CALD1: variants seen among roughly 807,000 people sequenced by gnomAD.
CALD1 encodes caldesmon.
CALD1 carries 33 observed loss-of-function variants against 99.9 expected under a neutral mutation model. The observed-to-expected ratio is 0.33, with a 90% CI of 0.25 to 0.44. The LOEUF (loss-of-function observed/expected upper bound fraction) is 0.44, where lower values mean the gene tolerates loss of function less well. Ranked by LOEUF, CALD1 falls within the 20% of genes least tolerant of loss-of-function variation. The pLI, the probability that CALD1 is intolerant of heterozygous loss-of-function variation, is 1.00. For synonymous variants in CALD1, 310 were observed against 325.0 expected, an observed-to-expected ratio of 0.95 and a Z score of 0.50; for missense variants, 861 against 962.1, an observed-to-expected ratio of 0.89 and a Z score of 1.39.
chr7:134,954,147 T>TA (rs1173815013), intron 9 of CALD1, among the ~76,000 whole-genome samples: 1 of 152,336 alleles, frequency 6.6e-6, no homozygotes, highest in South Asian at 2.1e-4. Flanking sequence ...ACTGTATTTT[T>TA]AAAAAATATC....
chr7:134,875,394 G>T (rs1343415471), intron 3 of CALD1, among the ~76,000 whole-genome samples: 1 of 152,204 alleles, frequency 6.6e-6, no homozygotes, highest in Non-Finnish European at 1.5e-5. Flanking sequence ...CCAACACTTT[G>T]CGAGGCTGAG....
At chr7:134,948,730 T>C in intron 8 of CALD1, among the ~76,000 whole-genome samples, 1 of 152,174 alleles carries the variant, frequency 6.6e-6, no homozygotes, top group East Asian at 1.9e-4. Flanking sequence ...TGCAAAATTT[T>C]CCTGAACTGT....
At chr7:134,782,609 C>G (rs751264136) in intron 1 of CALD1, among the ~76,000 whole-genome samples, 1 of 152,204 alleles carries the variant, frequency 6.6e-6, no homozygotes, top group Non-Finnish European at 1.5e-5. Context: ...TTGACTTCAT[C>G]TGTTGAGTGA....
At chr7:134,739,208 C>A in the CALD1 span, among the ~76,000 whole-genome samples, 1 of 152,140 alleles carries the variant, frequency 6.6e-6, no homozygotes, top group Non-Finnish European at 1.5e-5. Flanking sequence ...TCAGCCCACA[C>A]AATGTGACAC....
chr7:134,961,482 A>T (rs1019431073), intron 13 of CALD1: 4 of 152,212 alleles, frequency 2.6e-5, no homozygotes, highest in African/African-American at 2.4e-5. Context: ...ATTTAATTGC[A>T]TCCATTGGCT....
intron 3 of CALD1, among the ~76,000 whole-genome samples, chr7:134,895,141 T>A (rs1441448461): frequency 3.4e-5 from 5 of 145,238 alleles, no homozygotes; most frequent in Admixed American, 6.8e-5. Flanking sequence ...AAATAAATAA[T>A]TGGCACAATT....
intron 9 of CALD1, among the ~76,000 whole-genome samples, chr7:134,950,896 T>A (rs1245958681): frequency 6.6e-6 from 1 of 152,126 alleles, no homozygotes; most frequent in Admixed American, 6.5e-5. Context: ...GAGGCAGAGG[T>A]TGCAGTGAGC....
intron 1 of CALD1, among the ~76,000 whole-genome samples, chr7:134,821,816 C>T (rs1000012759): frequency 2.0e-5 from 3 of 152,112 alleles, no homozygotes; most frequent in African/African-American, 7.2e-5. Flanking sequence ...TTCCTGAACT[C>T]GTGATCTGCC....
intron 1 of CALD1, among the ~76,000 whole-genome samples, chr7:134,800,500 A>G (rs575539104): frequency 1.1e-4 from 17 of 152,204 alleles, no homozygotes; most frequent in Middle Eastern, 3.4e-3. Flanking sequence ...TATGATTTTT[A>G]CATCTTAAAG....
intron 4 of CALD1, 38 bp downstream of exon 4, chr7:134,928,938 G>A (rs376268360): frequency 6.5e-6 from 10 of 1,539,106 alleles, no homozygotes; most frequent in East Asian, 2.4e-5. Flanking sequence ...TCTAACTTGC[G>A]TCTTAGCCTG....
intron 3 of CALD1, among the ~76,000 whole-genome samples, chr7:134,904,796 C>T (rs1024624197): frequency 6.6e-6 from 1 of 152,000 alleles, no homozygotes; most frequent in Non-Finnish European, 1.5e-5. Context: ...GGTATTAAAC[C>T]AGCCCCAAAG....
rs558205558 is a variant in CALD1 at position 134,827,836 on chromosome 7, G to C, written c.-129-16048G>C. Among the ~76,000 whole-genome samples the C allele has an allele frequency of 3.6e-3, 543 of 152,264 alleles. 1 individual carries two copies. Among genetic ancestry groups the C allele is most frequent in the Non-Finnish European group, 5.2e-3 (352 of 68,012 alleles). Reference sequence around the variant, plus strand: ...GCTACCGGATTTAACACAAACTCAGGACCGTCTACAGAATCTGAATTGGAT... The same window carrying C: ...GCTACCGGATTTAACACAAACTCAGCACCGTCTACAGAATCTGAATTGGAT... On this transcript the variant is annotated intron_variant, in intron 1 of 14. Transcript: ENST00000361675.
intron 1 of CALD1, among the ~76,000 whole-genome samples, chr7:134,766,299 C>G (rs1796826518): frequency 6.6e-6 from 1 of 151,654 alleles, no homozygotes; most frequent in African/African-American, 2.4e-5. Context: ...CTACAGGCCA[C>G]CACACCCGGC....
chr7:134,968,383 C>T lies in CALD1; in HGVS notation c.*38C>T, dbSNP rs374505727. The T allele has an allele frequency of 4.2e-5, 68 of 1,602,640 alleles. No homozygotes were observed. Among genetic ancestry groups the T allele is most frequent in the Middle Eastern group, 1.7e-4 (1 of 6,040 alleles). On this transcript the variant is annotated 3_prime_UTR_variant, in exon 15 of 15. Transcript: ENST00000361675. ...AAGAACCCAAGCTCAAGACGCAGGA[C>T]GAGCTCAGTTGTAGAGGGCTAATTC... is the stretch of plus-strand genomic sequence containing the variant.
intron 3 of CALD1, among the ~76,000 whole-genome samples, chr7:134,923,429 G>C (rs1586317409): frequency 6.6e-6 from 1 of 152,168 alleles, no homozygotes; most frequent in East Asian, 1.9e-4. Flanking sequence ...AGATGATTCA[G>C]ATAAACTTCA....
chr7:134,744,068 A>T (rs1796613615), upstream of CALD1, among the ~76,000 whole-genome samples: 1 of 152,250 alleles, frequency 6.6e-6, no homozygotes, highest in South Asian at 2.1e-4. Context: ...TGCAGCAGCC[A>T]TGGTCGAGGG....
intron 3 of CALD1, among the ~76,000 whole-genome samples, chr7:134,884,636 A>AT (rs1444768086): frequency 8.3e-6 from 1 of 120,054 alleles, no homozygotes; most frequent in Non-Finnish European, 1.6e-5. Flanking sequence ...GAATACTCCA[A>AT]AAAAAAAAAA....
rs1488854871 is a variant in CALD1, at chr7:134,929,646, G to GTGTGTATA, written c.218+747_218+748insGTGTATAT. ...CGTGTGTGTGTGTGTGTGTGTGTGT[G>GTGTGTATA]TATATATATATATATATATATATAC... On this transcript the variant is annotated intron_variant, in intron 4 of 14. Transcript: ENST00000361675. Among the ~76,000 whole-genome samples the GTGTGTATA allele has an allele frequency of 3.3e-3, 26 of 7,904 alleles. 2 individuals are homozygous for GTGTGTATA. Among genetic ancestry groups the GTGTGTATA allele is most frequent in the East Asian group, 0.029 (1 of 34 alleles). The allele number at this position is 7,904 out of a possible 152,430, so 5.2% of individuals were successfully genotyped here.
intron 1 of CALD1, among the ~76,000 whole-genome samples, chr7:134,758,503 T>TGTGTGG (rs1796748625): frequency 2.8e-5 from 2 of 71,478 alleles, no homozygotes; most frequent in African/African-American, 1.6e-4. Flanking sequence ...CCCATTGGGG[T>TGTGTGG]GTGTGTGTGT....
Sources: gnomAD v4.1 joint callset for allele counts (sites outside exome capture counted in the v4.1 genomes callset) on GRCh38, gnomAD v4.1.1 for gene constraint, MANE v1.5 for transcripts, NCBI Gene and HGNC (gene_info 2026-07-23, HGNC 2026-07-21) for gene names.